The following NFIB variants were observed in gnomAD, a reference collection of about 807,000 sequenced individuals.
NFIB encodes nuclear factor 1 B-type.
In NFIB, 11 loss-of-function variants were observed where a neutral mutation model predicts 61.5. The observed-to-expected ratio is 0.18, with a 90% confidence interval of 0.11 to 0.30. The LOEUF (loss-of-function observed/expected upper bound fraction) is 0.30, where lower values mean the gene tolerates loss of function less well. NFIB is among the 10% of genes least tolerant of loss of function. NFIB has a pLI of 1.00. For synonymous variants in NFIB, 260 were observed against 216.5 expected (o/e 1.20, Z -1.76); for missense variants, 471 against 608.9 (o/e 0.77, Z 2.38).
intron 10 of NFIB, among the ~76,000 whole-genome samples, chr9:14,105,112 C>T (rs1311798016): frequency 2.0e-5 from 3 of 152,060 alleles, no homozygotes; most frequent in Non-Finnish European, 4.4e-5. Flanking sequence ...TTACGACCCC[C>T]AAAAATGTCA....
At chr9:14,336,490 A>G (rs1346200943) in intron 1 of NFIB, among the ~76,000 whole-genome samples, 1 of 152,220 alleles carries the variant, frequency 6.6e-6, no homozygotes, top group South Asian at 2.1e-4. Flanking sequence ...CCACCTATTT[A>G]TGGTAATGCT....
the NFIB span, among the ~76,000 whole-genome samples, chr9:14,423,132 T>C: frequency 6.6e-6 from 1 of 152,236 alleles, no homozygotes; most frequent in East Asian, 1.9e-4. Flanking sequence ...CATTAGTTAC[T>C]TTTGATTGAC....
At chr9:14,453,920 A>G in the NFIB span, among the ~76,000 whole-genome samples, 2 of 151,684 alleles carry the variant, frequency 1.3e-5, no homozygotes, top group Non-Finnish European at 2.9e-5. Flanking sequence ...ATCTCTACTA[A>G]AAGTACAAAA....
chr9:14,201,488 C>T (rs146922138), intron 2 of NFIB, among the ~76,000 whole-genome samples: 2 of 151,594 alleles, frequency 1.3e-5, no homozygotes, highest in Non-Finnish European at 3.0e-5. Context: ...GCAAGACAAA[C>T]GCCTAATTCA....
At chr9:14,360,492 G>C (rs1394455118) in intron 1 of NFIB, among the ~76,000 whole-genome samples, 1 of 151,468 alleles carries the variant, frequency 6.6e-6, no homozygotes, top group Non-Finnish European at 1.5e-5. Flanking sequence ...AAAGTATTTT[G>C]GCAAATTGAA....
the NFIB span, among the ~76,000 whole-genome samples, chr9:14,408,433 G>C: frequency 6.6e-6 from 1 of 152,044 alleles, no homozygotes; most frequent in South Asian, 2.1e-4. Context: ...TCTTCCCCAT[G>C]GTACCATATG....
At chr9:14,231,135 A>AAAAAATATATATATATAT (rs55959148) in intron 2 of NFIB, among the ~76,000 whole-genome samples, 1 of 35,344 alleles carries the variant, frequency 2.8e-5, no homozygotes, top group Non-Finnish European at 5.4e-5. Flanking sequence ...AAAAAAAAAA[A>AAAAAATATATATATATAT]ATATATATAT....
intron 3 of NFIB, among the ~76,000 whole-genome samples, chr9:14,161,746 C>G (rs2044229435): frequency 6.6e-6 from 1 of 152,110 alleles, no homozygotes; most frequent in Admixed American, 6.6e-5. Flanking sequence ...CATCCTCATA[C>G]ACAAATCTTT....
chr9:14,159,045 A>C (rs2043818130), intron 3 of NFIB, among the ~76,000 whole-genome samples: 1 of 152,238 alleles, frequency 6.6e-6, no homozygotes, highest in Admixed American at 6.5e-5. Flanking sequence ...TCAGAGATCC[A>C]TCTGCTCCTA....
intron 2 of NFIB, among the ~76,000 whole-genome samples, chr9:14,237,755 G>T (rs2053891236): frequency 7.3e-6 from 1 of 136,928 alleles, no homozygotes; most frequent in Non-Finnish European, 1.5e-5. Flanking sequence ...CACCCTGCTA[G>T]GTATAACAGT....
chr9:14,130,874 G>A (rs746000491), intron 6 of NFIB, among the ~76,000 whole-genome samples: 3 of 152,156 alleles, frequency 2.0e-5, no homozygotes, highest in Admixed American at 1.3e-4. Flanking sequence ...CAGATGAGAA[G>A]TAGCTGACTG....
the NFIB span, among the ~76,000 whole-genome samples, chr9:14,435,981 A>G: frequency 6.6e-6 from 1 of 152,240 alleles, no homozygotes; most frequent in African/African-American, 2.4e-5. Flanking sequence ...AGGTCATACT[A>G]TGTGACAATG....
chr9:14,216,542 CCCTCTGTGTGTGTG>C (rs1470501366), intron 2 of NFIB, among the ~76,000 whole-genome samples: 10 of 29,460 alleles, frequency 3.4e-4, no homozygotes, highest in African/African-American at 8.2e-4. Flanking sequence ...CTCTCTCTCT[CCCTCTGTGTGTGTG>C]TGTGTGTGTG....
chr9:14,207,532 T>C (rs2049868970), intron 2 of NFIB, among the ~76,000 whole-genome samples: 2 of 152,210 alleles, frequency 1.3e-5, no homozygotes, highest in East Asian at 3.9e-4. Context: ...TGCATGCTGC[T>C]GACAGGCAAA....
At chr9:14,231,326 G>A (rs2053170172) in intron 2 of NFIB, among the ~76,000 whole-genome samples, 1 of 151,510 alleles carries the variant, frequency 6.6e-6, no homozygotes, top group Non-Finnish European at 1.5e-5. Flanking sequence ...GACAAGGAAA[G>A]GCAGAGAGAG....
intron 2 of NFIB, among the ~76,000 whole-genome samples, chr9:14,190,281 C>T (rs2047803217): frequency 6.6e-6 from 1 of 152,074 alleles, no homozygotes; most frequent in Non-Finnish European, 1.5e-5. Context: ...TAAATGTATA[C>T]ATTTAAACTC....
At chr9:14,519,109 C>T in the NFIB span, among the ~76,000 whole-genome samples, 2 of 152,058 alleles carry the variant, frequency 1.3e-5, no homozygotes, top group African/African-American at 4.8e-5. Flanking sequence ...GGTGGGGTGC[C>T]TCTGTGAAAA....
At chr9:14,519,175 T>C in the NFIB span, among the ~76,000 whole-genome samples, 5 of 152,262 alleles carry the variant, frequency 3.3e-5, no homozygotes, top group African/African-American at 1.2e-4. Flanking sequence ...GCACTAACAA[T>C]GGGCTAAGAG....
At chr9:14,135,244 G>A (rs1320908707) in intron 6 of NFIB, among the ~76,000 whole-genome samples, 1 of 152,112 alleles carries the variant, frequency 6.6e-6, no homozygotes, top group South Asian at 2.1e-4. Flanking sequence ...ATTGTTGCCT[G>A]TAGCTCCACA....
Sources: allele counts gnomAD v4.1 joint callset (sites outside exome capture counted in the v4.1 genomes callset), GRCh38; gene constraint gnomAD v4.1.1; transcripts MANE v1.5; gene names NCBI Gene and HGNC (gene_info 2026-07-23, HGNC 2026-07-21).